The following PLXDC2 variants were observed in gnomAD, a reference collection of about 807,000 sequenced individuals.
PLXDC2 encodes the protein plexin domain containing 2, also known as plexin domain-containing protein 2.
In PLXDC2, 40 loss-of-function variants were observed where a neutral mutation model predicts 68.9. The observed-to-expected ratio is 0.58, with a 90% CI of 0.45 to 0.76. PLXDC2 has a LOEUF of 0.76. Ranked by LOEUF, PLXDC2 falls within the 30% of genes least tolerant of loss-of-function variation. PLXDC2 has a pLI of 0.00. For synonymous variants in PLXDC2, 243 were observed against 234.2 expected (o/e 1.04, Z -0.34); for missense variants, 644 against 661.9 (o/e 0.97, Z 0.30).
intron 1 of PLXDC2, among the ~76,000 whole-genome samples, chr10:19,997,205 A>G (rs1188158975): frequency 6.6e-6 from 1 of 152,200 alleles, no homozygotes; most frequent in Non-Finnish European, 1.5e-5. Context: ...AAAACCTCAA[A>G]GCTGGAGTAG....
At chr10:20,264,338 GAGC>G (rs1367985902) in intron 13 of PLXDC2, among the ~76,000 whole-genome samples, 1 of 152,068 alleles carries the variant, frequency 6.6e-6, no homozygotes, top group African/African-American at 2.4e-5. Context: ...GAAGGGAGAG[GAGC>G]AGAAGAGATA....
intron 1 of PLXDC2, among the ~76,000 whole-genome samples, chr10:19,868,089 T>C (rs1837456190): frequency 6.6e-6 from 1 of 152,210 alleles, no homozygotes; most frequent in Non-Finnish European, 1.5e-5. Context: ...ATTTATTTTA[T>C]ATTTTTTGAA....
intron 1 of PLXDC2, among the ~76,000 whole-genome samples, chr10:19,840,196 AT>A (rs200055815): frequency 4.6e-5 from 7 of 150,684 alleles, no homozygotes; most frequent in African/African-American, 1.5e-4. Flanking sequence ...GTGAAATGCT[AT>A]TTTTTTTTCA....
intron 1 of PLXDC2, among the ~76,000 whole-genome samples, chr10:19,826,292 C>T (rs1836567533): frequency 6.6e-6 from 1 of 152,096 alleles, no homozygotes; most frequent in South Asian, 2.1e-4. Context: ...ATTCTATTTA[C>T]TATTTATATA....
intron 13 of PLXDC2, among the ~76,000 whole-genome samples, chr10:20,274,533 G>A (rs1027551484): frequency 1.7e-4 from 26 of 152,108 alleles, no homozygotes; most frequent in South Asian, 6.2e-4. Context: ...ATGAGCTGAC[G>A]CAGGAAAATA....
At chr10:19,907,102 C>A (rs1668488112) in intron 1 of PLXDC2, among the ~76,000 whole-genome samples, 2 of 152,080 alleles carry the variant, frequency 1.3e-5, no homozygotes, top group Admixed American at 1.3e-4. Context: ...GCATGGTAAT[C>A]ATTTTTTTCC....
intron 4 of PLXDC2, among the ~76,000 whole-genome samples, chr10:20,116,025 A>G (rs911645412): frequency 2.0e-5 from 3 of 152,194 alleles, no homozygotes; most frequent in South Asian, 4.1e-4. Context: ...TTCAGTTCTG[A>G]TTGGTCTGAA....
chr10:20,158,264 T>G (rs1412377528), intron 6 of PLXDC2, among the ~76,000 whole-genome samples: 5 of 152,114 alleles, frequency 3.3e-5, no homozygotes, highest in Non-Finnish European at 7.4e-5. Flanking sequence ...GTTCATTGAC[T>G]TTGGCACTTC....
chr10:19,859,532 T>G (rs1218702851), intron 1 of PLXDC2, among the ~76,000 whole-genome samples: 1 of 152,142 alleles, frequency 6.6e-6, no homozygotes, highest in East Asian at 1.9e-4. Context: ...GTAATTGAAA[T>G]TACATATTAA....
intron 6 of PLXDC2, among the ~76,000 whole-genome samples, chr10:20,152,153 A>AT (rs1379588633): frequency 6.6e-6 from 1 of 152,080 alleles, no homozygotes; most frequent in Admixed American, 6.6e-5. Flanking sequence ...CAATAGCATA[A>AT]TTTTTTTGCA....
At chr10:19,991,559 TAC>T (rs1834751575) in intron 1 of PLXDC2, among the ~76,000 whole-genome samples, 1 of 152,184 alleles carries the variant, frequency 6.6e-6, no homozygotes, top group African/African-American at 2.4e-5. Flanking sequence ...TTAAATCATA[TAC>T]AATTTATAAA....
At chr10:20,026,612 G>T (rs988070946) in intron 2 of PLXDC2, among the ~76,000 whole-genome samples, 1 of 151,932 alleles carries the variant, frequency 6.6e-6, no homozygotes, top group Non-Finnish European at 1.5e-5. Flanking sequence ...ATCTGAATCC[G>T]GGCTGCAGTG....
chr10:19,955,910 C>G (rs1044231712), intron 1 of PLXDC2, among the ~76,000 whole-genome samples: 2 of 152,060 alleles, frequency 1.3e-5, no homozygotes, highest in African/African-American at 4.8e-5. Context: ...GAAACCCCAT[C>G]TCTACAAAAA....
In PLXDC2 at chr10:19,817,051, G is replaced by T. The variant is rs764503115; in HGVS notation, c.-29G>T. 1.2e-5 allele frequency: 17 copies of T among 1,471,158 alleles called. No individual in the cohort carries two copies. The highest frequency in any genetic ancestry group is 1.4e-5 in the Non-Finnish European group (15 of 1,099,786). 91.1% of individuals were successfully genotyped at this position (1,471,158 alleles called of 1,614,324 possible). ...CCCCGAGCACCGGCGAAGGACTGGC[G>T]GGTGGGGTAGGGAGGTGGCGGCGGC... On this transcript the variant is annotated 5_prime_UTR_variant, in exon 1 of 14. Coordinates refer to ENST00000377252, the MANE Select transcript of PLXDC2 (RefSeq NM_032812.9).
At chr10:19,943,536 G>A (rs990682410) in intron 1 of PLXDC2, among the ~76,000 whole-genome samples, 23 of 152,096 alleles carry the variant, frequency 1.5e-4, no homozygotes, top group Non-Finnish European at 2.5e-4. Flanking sequence ...TATACTAATG[G>A]CATGGCTTTA....
At chr10:20,045,112 T>C (rs1405108808) in intron 2 of PLXDC2, among the ~76,000 whole-genome samples, 1 of 152,186 alleles carries the variant, frequency 6.6e-6, no homozygotes, top group Non-Finnish European at 1.5e-5. Context: ...GACCTTTCTT[T>C]TCTTTCACCA....
At chr10:19,827,473 AC>A (rs1836594336) in intron 1 of PLXDC2, among the ~76,000 whole-genome samples, 1 of 152,190 alleles carries the variant, frequency 6.6e-6, no homozygotes, top group Admixed American at 6.5e-5. Flanking sequence ...CAATTTCTAA[AC>A]AACTGGGAGA....
At position 20,280,662 on chromosome 10, in the gene PLXDC2, T is replaced by C. The variant is rs766811804; in HGVS notation, c.*843T>C. The C allele has an allele frequency of 6.6e-6, 1 of 152,142 alleles. No individual in the cohort carries two copies. The highest frequency in any genetic ancestry group is 1.5e-5 in the Non-Finnish European group (1 of 68,016). 9.4% of individuals were successfully genotyped at this position (152,142 alleles called of 1,614,324 possible). Reference sequence around the variant, plus strand: ...ACTGTTAAGTCCCATGAAACCACAGTTGCTCTGGGCTGATGGAAACAAAAG... The same window carrying C: ...ACTGTTAAGTCCCATGAAACCACAGCTGCTCTGGGCTGATGGAAACAAAAG... On this transcript the variant is annotated 3_prime_UTR_variant, in exon 14 of 14. Transcript: ENST00000377252.
chr10:20,154,189 T>A (rs1160216680), intron 6 of PLXDC2, among the ~76,000 whole-genome samples: 1 of 152,224 alleles, frequency 6.6e-6, no homozygotes, highest in Non-Finnish European at 1.5e-5. Flanking sequence ...TGATGATTTT[T>A]GCTTGATTAT....
Sources: allele counts gnomAD v4.1 joint callset (sites outside exome capture counted in the v4.1 genomes callset), GRCh38; gene constraint gnomAD v4.1.1; transcripts MANE v1.5; gene names NCBI Gene and HGNC (gene_info 2026-07-23, HGNC 2026-07-21).